Variants in PAPPA2 observed in about 807,000 individuals in gnomAD.
PAPPA2 encodes pappalysin 2.
A neutral mutation model predicts 176.4 loss-of-function variants in PAPPA2; 86 were observed. The observed-to-expected ratio is 0.49, with a 90% CI of 0.41 to 0.58. The LOEUF (loss-of-function observed/expected upper bound fraction) is 0.58, where lower values mean the gene tolerates loss of function less well. PAPPA2 is among the 20% of genes least tolerant of loss of function. The pLI, the probability that PAPPA2 is intolerant of heterozygous loss-of-function variation, is 0.00. For synonymous variants in PAPPA2, 809 were observed against 852.2 expected (o/e 0.95, Z 0.88); for missense variants, 2,073 against 2,256.9 (o/e 0.92, Z 1.65).
intron 11 of PAPPA2, among the ~76,000 whole-genome samples, chr1:176,711,631 G>A (rs1333910529): frequency 6.6e-6 from 1 of 152,134 alleles, no homozygotes; most frequent in East Asian, 1.9e-4. Flanking sequence ...GAGTTGTTGT[G>A]TTTTCTACCC....
intron 21 of PAPPA2, among the ~76,000 whole-genome samples, chr1:176,830,347 C>G (rs1667038657): frequency 6.6e-6 from 1 of 152,168 alleles, no homozygotes; most frequent in Non-Finnish European, 1.5e-5. Context: ...AGAGAATTCA[C>G]TAGTTTAATC....
In PAPPA2 at chr1:176,556,443, A is replaced by C; in HGVS notation, c.121A>C (p.Asn41His). Residue 41 changes from asparagine to histidine, a missense_variant, in exon 2 of 23, where the codon AAT becomes CAT. Transcript: ENST00000367662. ...KKSLVEREHL[N>H]QVLLEGERCW... Reference sequence around the variant, plus strand: ...ATCCTTGGTTGAGAGGGAACACCTGAATCAGGTGCTGTTGGAAGGAGAACG... The same window carrying C: ...ATCCTTGGTTGAGAGGGAACACCTGCATCAGGTGCTGTTGGAAGGAGAACG... The C allele has an allele frequency of 6.2e-7, 1 of 1,614,212 alleles. No individual in the cohort carries two copies. The highest frequency in any genetic ancestry group is 2.2e-5 in the East Asian group (1 of 44,874).
At chr1:176,768,093 A>G (rs1300939485) in intron 15 of PAPPA2, among the ~76,000 whole-genome samples, 1 of 152,148 alleles carries the variant, frequency 6.6e-6, no homozygotes, top group Non-Finnish European at 1.5e-5. Context: ...GCTCAGCCAT[A>G]GAAACTCCCC....
chr1:176,639,496 A>T (rs886292015), intron 3 of PAPPA2, among the ~76,000 whole-genome samples: 72 of 152,132 alleles, frequency 4.7e-4, no homozygotes, highest in African/African-American at 1.6e-3. Context: ...AAATTAATAC[A>T]TTCTGCTTGT....
intron 3 of PAPPA2, among the ~76,000 whole-genome samples, chr1:176,619,817 A>G (rs1289044024): frequency 1.3e-5 from 2 of 152,214 alleles, no homozygotes; most frequent in Non-Finnish European, 2.9e-5. Flanking sequence ...CTACAATACT[A>G]CTGCAGGAAA....
chr1:176,771,104 G>A lies in PAPPA2; in HGVS notation c.4639G>A (p.Asp1547Asn), dbSNP rs776815947. Residue 1547 changes from aspartate to asparagine, a missense_variant, in exon 17 of 23, where the codon GAC becomes AAC. Physicochemically the swap from Asp to Asn is conservative, Grantham distance 23. This residue lies in a region of PAPPA2 where 846 missense variants were observed against 857.9 expected (regional missense o/e 0.99). Transcript: ENST00000367662. Reference protein sequence around the residue: ...LLPHCLQDNHDVGTICKYECK... With the variant: ...LLPHCLQDNHNVGTICKYECK... ...GCCTCACTGCCTCCAGGACAACCAC[G>A]ACGTGGGCACCATCTGCAAATATGA... 4.3e-6 allele frequency: 7 copies of A among 1,614,018 alleles called. No homozygotes were observed. Among genetic ancestry groups the A allele is most frequent in the Non-Finnish European group, 4.2e-6 (5 of 1,180,022 alleles).
At chr1:176,752,342 TA>T (rs58591760) in intron 14 of PAPPA2, among the ~76,000 whole-genome samples, 25,933 of 97,348 alleles carry the variant, frequency 0.27, 1,632 homozygotes, top group East Asian at 0.35. Context: ...TAGAGTATAA[TA>T]AAAAAAAAAA....
At chr1:176,779,613 T>C (rs1169669132) in intron 17 of PAPPA2, among the ~76,000 whole-genome samples, 1 of 152,130 alleles carries the variant, frequency 6.6e-6, no homozygotes, top group South Asian at 2.1e-4. Context: ...ATCATGGTCA[T>C]GTGCTATTCA....
chr1:176,590,939 G>A (rs540244806), intron 2 of PAPPA2, among the ~76,000 whole-genome samples: 2 of 152,088 alleles, frequency 1.3e-5, no homozygotes, highest in East Asian at 1.9e-4. Flanking sequence ...ATAAAATAAG[G>A]CCAATGATAA....
At chr1:176,839,970 A>G (rs1218381993) in intron 21 of PAPPA2, among the ~76,000 whole-genome samples, 2 of 152,178 alleles carry the variant, frequency 1.3e-5, no homozygotes, top group African/African-American at 4.8e-5. Context: ...GCTGCCAGTG[A>G]AATGTGACAA....
chr1:176,728,736 A>G (rs1661995534), intron 12 of PAPPA2, among the ~76,000 whole-genome samples: 1 of 151,962 alleles, frequency 6.6e-6, no homozygotes, highest in Non-Finnish European at 1.5e-5. Flanking sequence ...AAAATACATC[A>G]TAAAATTATA....
Position 176,738,462 on chromosome 1 carries a change from A to G in PAPPA2, c.3799-1164A>G, listed in dbSNP as rs574512086. ...CTGTGGACAAGGAAGAATTCTTGTT[A>G]AAATGAAAACATGTTTTACTCTCCT... On this transcript the variant is annotated intron_variant, in intron 12 of 22. Transcript: ENST00000367662. Among the ~76,000 whole-genome samples the G allele has an allele frequency of 2.0e-5, 3 of 152,236 alleles. No individual in the cohort carries two copies. In the South Asian group the frequency reaches 6.2e-4, roughly 32 times the overall value.
In PAPPA2 at chr1:176,509,992, C is replaced by A. The variant is rs543870067; in HGVS notation, c.-916-45415C>A. 3.9e-5 allele frequency among the ~76,000 whole-genome samples: 6 copies of A among 152,160 alleles called. No individual in the cohort carries two copies. In the South Asian group the frequency reaches 1.2e-3, roughly 32 times the overall value. ...GAGACTGCCATGAGTTGTGATCATGCCACTGCACTCCAGCCTGGGTGACAG... is the reference window on the plus strand; with the variant it reads ...GAGACTGCCATGAGTTGTGATCATGACACTGCACTCCAGCCTGGGTGACAG... On this transcript the variant is annotated intron_variant, in intron 1 of 22. Transcript: ENST00000367662.
intron 1 of PAPPA2, among the ~76,000 whole-genome samples, chr1:176,474,618 G>A (rs1288451246): frequency 6.6e-6 from 1 of 152,094 alleles, no homozygotes; most frequent in Non-Finnish European, 1.5e-5. Context: ...GAGACTTCAG[G>A]GATTAGAGGG....
intron 22 of PAPPA2, 59 bp from the exon 23 acceptor site, chr1:176,842,321 T>G: frequency 6.7e-7 from 1 of 1,485,746 alleles, no homozygotes; most frequent in South Asian, 1.1e-5. Flanking sequence ...GAAAGCTCGT[T>G]TAAAAGTGTG....
At chr1:176,669,570 T>C (rs955625398) in intron 3 of PAPPA2, among the ~76,000 whole-genome samples, 7 of 152,138 alleles carry the variant, frequency 4.6e-5, no homozygotes, top group African/African-American at 1.7e-4. Flanking sequence ...TATCATCTCA[T>C]GGAGTTTGGG....
At chr1:176,713,003 T>C (rs1010113374) in intron 12 of PAPPA2, among the ~76,000 whole-genome samples, 1 of 152,222 alleles carries the variant, frequency 6.6e-6, no homozygotes, top group Non-Finnish European at 1.5e-5. Context: ...TGTTCAATTT[T>C]CCATTGAGTT....
chr1:176,619,216 ATG>A (rs1218509733), intron 3 of PAPPA2, among the ~76,000 whole-genome samples: 1 of 152,214 alleles, frequency 6.6e-6, no homozygotes, highest in Non-Finnish European at 1.5e-5. Flanking sequence ...CATCTTTCAC[ATG>A]TGTGCCTTGG....
intron 1 of PAPPA2, among the ~76,000 whole-genome samples, chr1:176,550,022 C>T (rs1273226453): frequency 6.6e-6 from 1 of 152,220 alleles, no homozygotes; most frequent in East Asian, 1.9e-4. Context: ...AACCTTCAGC[C>T]CTTAGTAACC....
Sources: allele counts gnomAD v4.1 joint callset (sites outside exome capture counted in the v4.1 genomes callset), GRCh38; gene constraint gnomAD v4.1.1; regional missense constraint gnomAD v4.1.1; transcripts MANE v1.5; gene names NCBI Gene and HGNC (gene_info 2026-07-23, HGNC 2026-07-21).